Variants in LINGO2 observed in about 807,000 individuals in gnomAD.
LINGO2 encodes the protein leucine rich repeat and Ig domain containing 2, also known as leucine-rich repeat and immunoglobulin-like domain-containing nogo receptor-interacting protein 2.
A neutral mutation model predicts 30.6 loss-of-function variants in LINGO2; 14 were observed. The observed-to-expected ratio is 0.46, with a 90% CI of 0.30 to 0.72. The LOEUF is 0.72. LINGO2 is among the 30% of genes least tolerant of loss of function. The probability of loss-of-function intolerance (pLI) is 0.07; values close to 1 mark genes in which losing one functional copy is unlikely to be tolerated. For missense variants in LINGO2, 729 were observed against 751.7 expected (o/e 0.97, Z 0.35); for synonymous variants, 317 against 288.5 (o/e 1.10, Z -1.00).
intron 4 of LINGO2, among the ~76,000 whole-genome samples, chr9:28,252,866 A>G (rs1333687798): frequency 6.6e-6 from 1 of 152,090 alleles, no homozygotes; most frequent in Non-Finnish European, 1.5e-5. Context: ...TCAAGCTCAC[A>G]GCCAAATCAT....
intron 2 of LINGO2, among the ~76,000 whole-genome samples, chr9:28,437,474 C>A (rs574487802): frequency 6.4e-4 from 97 of 151,956 alleles, no homozygotes; most frequent in Non-Finnish European, 1.1e-3. Flanking sequence ...TGGAACTTCT[C>A]AGCCTCCAAA....
intron 1 of LINGO2, among the ~76,000 whole-genome samples, chr9:28,575,567 G>T (rs944213663): frequency 6.6e-5 from 10 of 151,884 alleles, no homozygotes; most frequent in African/African-American, 2.4e-4. Context: ...TGGGGGCAAG[G>T]GTTGAAAAAC....
intron 1 of LINGO2, among the ~76,000 whole-genome samples, chr9:28,648,577 T>A (rs966550618): frequency 1.3e-5 from 2 of 152,084 alleles, no homozygotes; most frequent in Non-Finnish European, 2.9e-5. Flanking sequence ...TAGTCTACAA[T>A]TATTCTCTAA....
intron 2 of LINGO2, 141 bp from the exon 5 acceptor site, chr9:28,373,009 C>G (rs1473920544): frequency 4.1e-5 from 1 of 24,536 alleles, no homozygotes; most frequent in Non-Finnish European, 1.4e-4. Context: ...CATTTAACTA[C>G]AGAGAGAAAA....
At chr9:28,340,623 TC>T (rs1228832136) in intron 3 of LINGO2, among the ~76,000 whole-genome samples, 1 of 152,096 alleles carries the variant, frequency 6.6e-6, no homozygotes, top group East Asian at 1.9e-4. Flanking sequence ...AGTAAAAGTC[TC>T]CCCTTTGTTG....
chr9:28,536,069 T>A (rs1821426824), intron 1 of LINGO2, among the ~76,000 whole-genome samples: 1 of 152,114 alleles, frequency 6.6e-6, no homozygotes, highest in Admixed American at 6.6e-5. Flanking sequence ...CACTTAAGAT[T>A]CACAGGTTTG....
chr9:29,033,908 C>A, the LINGO2 span, among the ~76,000 whole-genome samples: 1 of 151,794 alleles, frequency 6.6e-6, no homozygotes, highest in Non-Finnish European at 1.5e-5. Context: ...TGGTGCAACC[C>A]CATCTCTACC....
At chr9:28,414,586 T>C (rs1822897863) in intron 2 of LINGO2, among the ~76,000 whole-genome samples, 1 of 152,128 alleles carries the variant, frequency 6.6e-6, no homozygotes, top group Admixed American at 6.6e-5. Flanking sequence ...CAACTATTTG[T>C]TTAAAACCTT....
intron 1 of LINGO2, among the ~76,000 whole-genome samples, chr9:28,623,266 C>A (rs549236613): frequency 8.6e-5 from 13 of 152,014 alleles, no homozygotes; most frequent in African/African-American, 3.1e-4. Context: ...AATTTTTGCC[C>A]AGACCAATGT....
intron 1 of LINGO2, among the ~76,000 whole-genome samples, chr9:28,570,961 A>C (rs1447668278): frequency 6.6e-6 from 1 of 151,840 alleles, no homozygotes; most frequent in African/African-American, 2.4e-5. Flanking sequence ...ACTTCTACTG[A>C]TATTCAACTG....
chr9:29,055,781 C>T, the LINGO2 span, among the ~76,000 whole-genome samples: 24,414 of 151,584 alleles, frequency 0.16, 2,180 homozygotes, highest in South Asian at 0.2. Flanking sequence ...GTCCTCATAG[C>T]TTAGCTCCCA....
chr9:28,682,001 C>T, the LINGO2 span, among the ~76,000 whole-genome samples: 1 of 152,050 alleles, frequency 6.6e-6, no homozygotes, highest in Non-Finnish European at 1.5e-5. Flanking sequence ...TTACTGACAG[C>T]AAGCTGAAAT....
At chr9:29,178,377 C>T in the LINGO2 span, among the ~76,000 whole-genome samples, 2 of 152,030 alleles carry the variant, frequency 1.3e-5, no homozygotes, top group Non-Finnish European at 1.5e-5. Flanking sequence ...CTCTTCATTG[C>T]TCTGGCCTTG....
At chr9:28,394,902 A>T (rs10812800) in intron 2 of LINGO2, among the ~76,000 whole-genome samples, 49,986 of 152,154 alleles carry the variant, frequency 0.33, 8,424 homozygotes, top group Middle Eastern at 0.47. Context: ...AATGAACACA[A>T]GTGCAGAGTG....
intron 5 of LINGO2, among the ~76,000 whole-genome samples, chr9:28,004,300 G>A (rs1008098643): frequency 3.1e-4 from 47 of 152,104 alleles, no homozygotes; most frequent in African/African-American, 1.0e-3. Context: ...TAAATTTAAT[G>A]TATATTTAAA....
the LINGO2 span, among the ~76,000 whole-genome samples, chr9:29,059,992 TG>T: frequency 6.6e-6 from 1 of 152,054 alleles, no homozygotes; most frequent in African/African-American, 2.4e-5. Flanking sequence ...AAATTCTGAA[TG>T]AAATGCAAAA....
chr9:28,688,865 A>G, the LINGO2 span, among the ~76,000 whole-genome samples: 635 of 152,212 alleles, frequency 4.2e-3, 11 homozygotes, highest in African/African-American at 0.014. Flanking sequence ...ACGTCCTATA[A>G]TATGTCATCT....
chr9:28,993,488 A>G, the LINGO2 span, among the ~76,000 whole-genome samples: 2 of 152,164 alleles, frequency 1.3e-5, no homozygotes, highest in Admixed American at 6.5e-5. Context: ...TCAATAGAAA[A>G]AGAGGGAATC....
At chr9:28,645,906 A>G (rs1201006922) in intron 1 of LINGO2, among the ~76,000 whole-genome samples, 1 of 152,140 alleles carries the variant, frequency 6.6e-6, no homozygotes, top group Non-Finnish European at 1.5e-5. Context: ...TTTAGAGCTA[A>G]ACAGACATGA....
Sources: gnomAD v4.1 joint callset for allele counts (sites outside exome capture counted in the v4.1 genomes callset) on GRCh38, gnomAD v4.1.1 for gene constraint, MANE v1.5 for transcripts, NCBI Gene and HGNC (gene_info 2026-07-23, HGNC 2026-07-21) for gene names.